Variants in IL7 observed in about 807,000 individuals in gnomAD.
The protein encoded by IL7 is interleukin-7.
A neutral mutation model predicts 21.6 loss-of-function variants in IL7; 3 were observed. The ratio of observed to expected loss-of-function variants is 0.14; its 90% CI spans 0.06 to 0.36. The LOEUF (loss-of-function observed/expected upper bound fraction) is 0.36, where lower values mean the gene tolerates loss of function less well. IL7 is among the 10% of genes least tolerant of loss of function. IL7 has a pLI of 1.00. For missense variants in IL7, 175 were observed against 200.2 expected, an observed-to-expected ratio of 0.87 and a Z score of 0.76; for synonymous variants, 62 against 68.1, an observed-to-expected ratio of 0.91 and a Z score of 0.44.
At chr8:78,744,120 A>C (rs563075912) in intron 2 of IL7, among the ~76,000 whole-genome samples, 1 of 151,356 alleles carries the variant, frequency 6.6e-6, no homozygotes, top group Non-Finnish European at 1.5e-5. Flanking sequence ...GCAGCTGCGC[A>C]GTGCTGGGGT....
intron 2 of IL7, among the ~76,000 whole-genome samples, chr8:78,749,696 C>A (rs1406221919): frequency 6.6e-6 from 1 of 152,140 alleles, no homozygotes; most frequent in Non-Finnish European, 1.5e-5. Flanking sequence ...TGAGTTTGAT[C>A]TTTAGGAGCT....
At chr8:78,790,217 T>C (rs1439156883) in intron 2 of IL7, among the ~76,000 whole-genome samples, 1 of 152,196 alleles carries the variant, frequency 6.6e-6, no homozygotes, top group Non-Finnish European at 1.5e-5. Context: ...TAGAAAGCGT[T>C]TGGCCATTTC....
chr8:78,714,548 T>C (rs909789039), downstream of IL7, among the ~76,000 whole-genome samples: 4 of 152,162 alleles, frequency 2.6e-5, no homozygotes, highest in African/African-American at 7.2e-5. Context: ...GAATCTAAAT[T>C]CATTTGAATT....
At chr8:78,800,712 T>C (rs1433493918) in intron 1 of IL7, among the ~76,000 whole-genome samples, 1 of 152,238 alleles carries the variant, frequency 6.6e-6, no homozygotes, top group East Asian at 1.9e-4. Context: ...TATGAAATCA[T>C]ACTTTTTATT....
chr8:78,738,365 T>C (rs1811661157), intron 4 of IL7, 139 bp downstream of exon 4: 2 of 680,854 alleles, frequency 2.9e-6, no homozygotes, highest in Non-Finnish European at 4.6e-6. Context: ...TCTTCTAGGA[T>C]TGAGTAAACA....
chr8:78,754,706 A>G (rs2130744075), intron 2 of IL7, among the ~76,000 whole-genome samples: 1 of 152,266 alleles, frequency 6.6e-6, no homozygotes, highest in South Asian at 2.1e-4. Flanking sequence ...GTTGAGCTGT[A>G]TGAATTCCTT....
intron 5 of IL7, among the ~76,000 whole-genome samples, chr8:78,735,271 C>CTTTTTTTTTTT (rs1355245853): frequency 3.5e-5 from 1 of 28,736 alleles, no homozygotes; most frequent in Non-Finnish European, 6.8e-5. Flanking sequence ...GTTATCTTTT[C>CTTTTTTTTTTT]TTTTCTTTTT....
chr8:78,688,594 A>G (rs1810102739), intron 3 of IL7, among the ~76,000 whole-genome samples: 1 of 152,164 alleles, frequency 6.6e-6, no homozygotes, highest in Admixed American at 6.5e-5. Flanking sequence ...GTTCTGGAAT[A>G]ATTTCAAAAG....
chr8:78,717,404 C>G, downstream of IL7: 2 of 1,613,416 alleles, frequency 1.2e-6, no homozygotes, highest in Non-Finnish European at 1.7e-6. Context: ...TGGAAACTTA[C>G]CAAAATTCTG....
chr8:78,764,894 C>A (rs1586082964), intron 2 of IL7, among the ~76,000 whole-genome samples: 1 of 151,958 alleles, frequency 6.6e-6, no homozygotes, highest in African/African-American at 2.4e-5. Flanking sequence ...AAGAAAAGAG[C>A]AAAGTTAGAG....
At chr8:78,748,500 C>T (rs1373654602) in intron 2 of IL7, among the ~76,000 whole-genome samples, 2 of 152,130 alleles carry the variant, frequency 1.3e-5, no homozygotes, top group African/African-American at 2.4e-5. Context: ...GAGTCAGATG[C>T]TCCTTAACTT....
chr8:78,731,136 G>GA (rs1040829641), downstream of IL7, among the ~76,000 whole-genome samples: 67 of 152,150 alleles, frequency 4.4e-4, no homozygotes, highest in African/African-American at 1.6e-3. Flanking sequence ...GGCTGTCAAT[G>GA]AAAGTATGGC....
chr8:78,740,054 C>T lies in IL7; in HGVS notation c.176G>A (p.Cys59Tyr). ...AAAAAAGTTAAATTCATTATTCAGG[C>T]AATTGCTACCAATTTCTTTCATGCT... ...LDSMKEIGSN[C>Y]LNNEFNFFKR... is the part of the protein sequence containing the mutation. The change falls in exon 3 of 6, where the codon TGC becomes TAC. Residue 59 changes from cysteine to tyrosine, a missense_variant. Coordinates refer to ENST00000263851, the MANE Select transcript of IL7 (RefSeq NM_000880.4). 1 of 1,530,306 alleles carries T rather than the reference C, an allele frequency of 6.5e-7. No homozygotes were observed. Among genetic ancestry groups the T allele is most frequent in the South Asian group, 1.3e-5 (1 of 75,762 alleles). The allele number at this position is 1,530,306 out of a possible 1,614,324, so 94.8% of individuals were successfully genotyped here. A position where few individuals can be genotyped will look rare whatever the true frequency, so the allele number is the denominator to read the frequency against.
At chr8:78,742,564 CTT>C (rs1028614735) in intron 2 of IL7, among the ~76,000 whole-genome samples, 8 of 151,976 alleles carry the variant, frequency 5.3e-5, no homozygotes, top group African/African-American at 1.9e-4. Context: ...GGAAAAGTAA[CTT>C]ATAAACTATA....
downstream of IL7, among the ~76,000 whole-genome samples, chr8:78,729,226 TC>T (rs1422251032): frequency 6.6e-6 from 1 of 152,028 alleles, no homozygotes; most frequent in Non-Finnish European, 1.5e-5. Flanking sequence ...TCTGATGTTC[TC>T]CCCATGGAAC....
intron 2 of IL7, chr8:78,760,649 A>G: frequency 6.3e-7 from 1 of 1,589,956 alleles, no homozygotes; most frequent in Non-Finnish European, 8.6e-7. Context: ...TTCTGAGAAT[A>G]TATCTTTAAG....
intron 3 of IL7, chr8:78,686,622 T>C: frequency 6.8e-7 from 1 of 1,463,946 alleles, no homozygotes; most frequent in South Asian, 1.6e-5. Context: ...TTTGGAATAT[T>C]GTTGACAGAA....
At chr8:78,688,566 A>G (rs1005365358) in intron 3 of IL7, among the ~76,000 whole-genome samples, 9 of 152,162 alleles carry the variant, frequency 5.9e-5, no homozygotes, top group Non-Finnish European at 1.0e-4. Context: ...TAGTTATTTT[A>G]CAATGCTACA....
chr8:78,690,428 C>T (rs1283338727), intron 3 of IL7, among the ~76,000 whole-genome samples: 2 of 151,936 alleles, frequency 1.3e-5, no homozygotes, highest in Non-Finnish European at 2.9e-5. Context: ...GACGTGGTGG[C>T]GGGCGCCTGT....
Sources: gnomAD v4.1 joint callset for allele counts (sites outside exome capture counted in the v4.1 genomes callset) on GRCh38, gnomAD v4.1.1 for gene constraint, MANE v1.5 for transcripts, NCBI Gene and HGNC (gene_info 2026-07-23, HGNC 2026-07-21) for gene names.